The following NTN4 variants were observed in gnomAD, a reference collection of about 807,000 sequenced individuals.
The protein encoded by NTN4 is netrin 4.
In NTN4, 32 loss-of-function variants were observed where a neutral mutation model predicts 73.6. The ratio of observed to expected loss-of-function variants is 0.44; its 90% CI spans 0.33 to 0.58. The LOEUF is 0.58. NTN4 is among the 20% of genes least tolerant of loss of function. The pLI, the probability that NTN4 is intolerant of heterozygous loss-of-function variation, is 0.04. For synonymous variants in NTN4, 258 were observed against 287.5 expected (o/e 0.90, Z 1.04); for missense variants, 654 against 798.3 (o/e 0.82, Z 2.18).
At chr12:95,691,238 G>T (rs181650814) in intron 5 of NTN4, among the ~76,000 whole-genome samples, 6 of 152,276 alleles carry the variant, frequency 3.9e-5, no homozygotes, top group Admixed American at 2.0e-4. Context: ...GAAGGAAAAA[G>T]GATCTCCTCA....
chr12:95,706,039 G>C (rs2078519845), intron 5 of NTN4, among the ~76,000 whole-genome samples: 1 of 152,150 alleles, frequency 6.6e-6, no homozygotes. Flanking sequence ...CTCACAATTT[G>C]CTTATGTTTT....
At chr12:95,713,798 T>C (rs2078584901) in intron 3 of NTN4, among the ~76,000 whole-genome samples, 1 of 152,160 alleles carries the variant, frequency 6.6e-6, no homozygotes, top group Non-Finnish European at 1.5e-5. Flanking sequence ...TCACATAATA[T>C]ATTGTGAATA....
chr12:95,709,028 G>T (rs751093954), intron 5 of NTN4, among the ~76,000 whole-genome samples: 8 of 152,164 alleles, frequency 5.3e-5, no homozygotes, highest in Non-Finnish European at 8.8e-5. Context: ...TGTGGAAAGT[G>T]AGCAGTACTA....
intron 4 of NTN4, among the ~76,000 whole-genome samples, 193 bp from the exon 5 acceptor site, chr12:95,710,822 A>G (rs1165733497): frequency 1.3e-5 from 2 of 152,010 alleles, no homozygotes; most frequent in East Asian, 3.9e-4. Flanking sequence ...TGGCCAACAC[A>G]GTGAAACTCC....
At chr12:95,686,615 G>A (rs748732213) in intron 5 of NTN4, among the ~76,000 whole-genome samples, 8 of 151,932 alleles carry the variant, frequency 5.3e-5, no homozygotes, top group Non-Finnish European at 7.4e-5. Context: ...AACATTAGCC[G>A]GGCGTGATGG....
At chr12:95,709,542 T>TC (rs1565892040) in intron 5 of NTN4, among the ~76,000 whole-genome samples, 2 of 107,054 alleles carry the variant, frequency 1.9e-5, no homozygotes, top group Admixed American at 8.5e-5. Flanking sequence ...CTCTCTCTCT[T>TC]TTTTTTTTTT....
rs942107532 is a variant in NTN4 at position 95,781,727 on chromosome 12, T to C, written c.585+5212A>G. On this transcript the variant is annotated intron_variant, in intron 2 of 9. Coordinates refer to ENST00000343702, the MANE Select transcript of NTN4 (RefSeq NM_021229.4). This position sits in a 1 kb window ranked among gnomAD's most constrained non-coding sequence, Gnocchi z 4.1. Reference sequence around the variant, plus strand: ...TTCTGCTTTAATTGAATAAAAGTAATAATTAATTTAAAAAAATAGAAAAAT... The same window carrying C: ...TTCTGCTTTAATTGAATAAAAGTAACAATTAATTTAAAAAAATAGAAAAAT... Among the ~76,000 whole-genome samples, 1 of 152,180 alleles carries C rather than the reference T, an allele frequency of 6.6e-6. No individual in the cohort carries two copies.
intron 3 of NTN4, among the ~76,000 whole-genome samples, chr12:95,721,450 C>T (rs1248687929): frequency 2.0e-5 from 3 of 152,176 alleles, no homozygotes; most frequent in Non-Finnish European, 2.9e-5. Flanking sequence ...TTTCTATCTG[C>T]GCACTGGAGA....
intron 8 of NTN4, among the ~76,000 whole-genome samples, chr12:95,668,990 G>A (rs901160435): frequency 1.3e-5 from 2 of 152,184 alleles, no homozygotes; most frequent in Non-Finnish European, 2.9e-5. Flanking sequence ...CGGGCATGGT[G>A]GCACATGCCT....
At chr12:95,761,828 T>G (rs549131202) in intron 2 of NTN4, among the ~76,000 whole-genome samples, 1 of 152,312 alleles carries the variant, frequency 6.6e-6, no homozygotes, top group South Asian at 2.1e-4. Context: ...TTTTTTCTTT[T>G]ATCCCCCTCT....
At chr12:95,744,727 T>C (rs566813666) in intron 2 of NTN4, among the ~76,000 whole-genome samples, 26 of 152,306 alleles carry the variant, frequency 1.7e-4, no homozygotes. Flanking sequence ...CACCTACTTT[T>C]CCTTTTTGAT....
chr12:95,782,905 G>T (rs1236836924), intron 2 of NTN4, among the ~76,000 whole-genome samples: 4 of 152,250 alleles, frequency 2.6e-5, no homozygotes, highest in African/African-American at 9.6e-5. Flanking sequence ...AGTGATCATC[G>T]CAATTCCAGT....
intron 4 of NTN4, among the ~76,000 whole-genome samples, chr12:95,711,577 T>C (rs753497388): frequency 2.6e-5 from 4 of 152,256 alleles, no homozygotes. Context: ...TAGATTGATT[T>C]ATCTTTCATA....
At chr12:95,717,636 A>C (rs753765870) in intron 3 of NTN4, among the ~76,000 whole-genome samples, 1 of 152,010 alleles carries the variant, frequency 6.6e-6, no homozygotes, top group Non-Finnish European at 1.5e-5. Context: ...GCTCGTGAAA[A>C]ATGTGCAAGT....
At chr12:95,690,681 TTAAAA>T (rs1440030860) in intron 5 of NTN4, among the ~76,000 whole-genome samples, 1 of 152,136 alleles carries the variant, frequency 6.6e-6, no homozygotes, top group Non-Finnish European at 1.5e-5. Context: ...TAGACATTAC[TTAAAA>T]TGAAATCACA....
Position 95,751,192 on chromosome 12 carries a change from G to C in NTN4, c.586-13048C>G, listed in dbSNP as rs988465379. Among the ~76,000 whole-genome samples the C allele has an allele frequency of 3.3e-5, 5 of 151,752 alleles. No individual in the cohort carries two copies. The East Asian group carries it at 9.7e-4, about 29-fold the overall frequency. On this transcript the variant is annotated intron_variant, in intron 2 of 9. Coordinates refer to ENST00000343702, the MANE Select transcript of NTN4 (RefSeq NM_021229.4). ...ATTCCGGCCCTCAAACCCCACAACAGGATTTAATTAACCTCGCCTTCAAGG... is the reference window on the plus strand; with the variant it reads ...ATTCCGGCCCTCAAACCCCACAACACGATTTAATTAACCTCGCCTTCAAGG...
chr12:95,712,787 C>CTTTTTTTTTT (rs35614636), intron 4 of NTN4, among the ~76,000 whole-genome samples: 252 of 105,708 alleles, frequency 2.4e-3, no homozygotes, highest in East Asian at 3.7e-3. Context: ...TTCTTTCTTT[C>CTTTTTTTTTT]TTTTTTTTTT....
chr12:95,746,773 C>T (rs2078865960), intron 2 of NTN4, among the ~76,000 whole-genome samples: 1 of 152,178 alleles, frequency 6.6e-6, no homozygotes, highest in South Asian at 2.1e-4. Context: ...GGTTCCTCTT[C>T]CCTGCACTGC....
rs1464382282 is a variant in NTN4, at chr12:95,738,006, T to A, written c.724A>T (p.Asn242Tyr). 1 of 1,614,002 alleles carries A rather than the reference T, an allele frequency of 6.2e-7. No individual in the cohort carries two copies. The highest frequency in any genetic ancestry group is 8.5e-7 in the Non-Finnish European group (1 of 1,180,014). Residue 242 changes from asparagine to tyrosine, a missense_variant, in exon 3 of 10, where the codon AAC (asparagine) becomes TAC (tyrosine). Transcript: ENST00000343702. ...QSCPCQRNDL[N>Y]EEPQHFTHYA... is the part of the protein sequence containing the mutation. The stretch of plus-strand genomic sequence containing the variant: ...TGTGTAAAATGTTGAGGCTCTTCGT[T>A]CAGGTCATTTCTCTGACAGGGACAA...
Sources: allele counts gnomAD v4.1 joint callset (sites outside exome capture counted in the v4.1 genomes callset), GRCh38; gene constraint gnomAD v4.1.1; non-coding constraint Gnocchi (gnomAD v3.1); transcripts MANE v1.5; gene names NCBI Gene and HGNC (gene_info 2026-07-23, HGNC 2026-07-21).